The following SPAG17 variants were observed in gnomAD, a reference collection of about 807,000 sequenced individuals.
The protein encoded by SPAG17 is sperm-associated antigen 17.
Under a neutral mutation model 273.6 loss-of-function variants are expected in SPAG17, and 169 were observed. The observed-to-expected ratio is 0.62, with a 90% CI of 0.55 to 0.70. The LOEUF (loss-of-function observed/expected upper bound fraction) is 0.70, where lower values mean the gene tolerates loss of function less well. SPAG17 is among the 30% of genes least tolerant of loss of function. The pLI is 0.00. For synonymous variants in SPAG17, 825 were observed against 873.2 expected (o/e 0.94, Z 0.97); for missense variants, 2,557 against 2,627.8 (o/e 0.97, Z 0.59).
At chr1:118,131,239 T>A (rs79738873) in intron 3 of SPAG17, among the ~76,000 whole-genome samples, 1 of 152,326 alleles carries the variant, frequency 6.6e-6, no homozygotes, top group African/African-American at 2.4e-5. Context: ...TTTCTATCAC[T>A]CCATTTCAGC....
chr1:118,131,105 G>T (rs538660783), intron 3 of SPAG17, among the ~76,000 whole-genome samples: 1 of 152,328 alleles, frequency 6.6e-6, no homozygotes, highest in Admixed American at 6.5e-5. Context: ...TTAGGATATA[G>T]ATTCCTTAGG....
chr1:118,055,642 ATAT>A (rs1557964716), intron 19 of SPAG17, 88 bp downstream of exon 19: 17 of 1,115,062 alleles, frequency 1.5e-5, no homozygotes, highest in Non-Finnish European at 1.8e-5. Flanking sequence ...ATTCTTTTTA[ATAT>A]TGAAAATATT....
At chr1:117,966,198 C>G (rs868830494) in intron 47 of SPAG17, 3 of 155,284 alleles carry the variant, frequency 1.9e-5, no homozygotes, top group Middle Eastern at 3.1e-3. Flanking sequence ...TTCTTGATAT[C>G]TATCTAATAT....
chr1:118,161,694 CCTGG>C (rs1659928198), intron 1 of SPAG17, among the ~76,000 whole-genome samples: 2 of 152,184 alleles, frequency 1.3e-5, no homozygotes, highest in African/African-American at 4.8e-5. Context: ...CCCGCCCCCA[CCTGG>C]CTAATTTTTT....
intron 32 of SPAG17, among the ~76,000 whole-genome samples, chr1:118,002,724 C>T (rs1391439931): frequency 6.6e-6 from 1 of 152,052 alleles, no homozygotes; most frequent in Non-Finnish European, 1.5e-5. Context: ...TGTGTCTTTG[C>T]ACATGAGATG....
chr1:118,030,576 T>A (rs1648333495), intron 25 of SPAG17, among the ~76,000 whole-genome samples: 1 of 152,138 alleles, frequency 6.6e-6, no homozygotes, highest in African/African-American at 2.4e-5. Context: ...TTTGTCCTAA[T>A]GCTCTCCTGC....
intron 13 of SPAG17, among the ~76,000 whole-genome samples, chr1:118,082,272 G>T (rs1654640776): frequency 6.6e-6 from 1 of 152,186 alleles, no homozygotes; most frequent in South Asian, 2.1e-4. Context: ...CCTGGGATTT[G>T]AAAGAATCAA....
chr1:118,019,880 G>C (rs897547792), intron 28 of SPAG17, among the ~76,000 whole-genome samples: 2 of 152,040 alleles, frequency 1.3e-5, no homozygotes, highest in Non-Finnish European at 1.5e-5. Context: ...TCAAGAATGA[G>C]GACAACATAA....
chr1:118,041,776 A>T (rs1649783348), intron 21 of SPAG17, 27 bp downstream of exon 21: 1 of 1,594,924 alleles, frequency 6.3e-7, no homozygotes, highest in Non-Finnish European at 8.5e-7. Context: ...GCCCAAAGAG[A>T]CTAAGTTTTA....
At chr1:117,983,467 T>G (rs2101602650) in intron 42 of SPAG17, among the ~76,000 whole-genome samples, 1 of 152,308 alleles carries the variant, frequency 6.6e-6, no homozygotes, top group Non-Finnish European at 1.5e-5. Flanking sequence ...GCTGAATGTC[T>G]CCATTGTAAA....
chr1:118,067,402 A>C (rs142140770), intron 17 of SPAG17, among the ~76,000 whole-genome samples: 1 of 152,288 alleles, frequency 6.6e-6, no homozygotes, highest in South Asian at 2.1e-4. Context: ...TAGGGCCGTC[A>C]AGATAAGATT....
intron 48 of SPAG17, chr1:117,955,483 T>A: frequency 1.2e-6 from 1 of 840,286 alleles, no homozygotes; most frequent in Non-Finnish European, 1.8e-6. Context: ...TATATCAAAG[T>A]TTTGATGGAA....
chr1:118,010,054 A>G (rs1659312864), intron 30 of SPAG17, among the ~76,000 whole-genome samples: 1 of 152,106 alleles, frequency 6.6e-6, no homozygotes, highest in African/African-American at 2.4e-5. Flanking sequence ...ATGCAAGTAG[A>G]GAGTAGAATG....
chr1:117,990,832 A>T, intron 38 of SPAG17, 29 bp downstream of exon 38: 1 of 1,460,696 alleles, frequency 6.8e-7, no homozygotes, highest in Non-Finnish European at 9.5e-7. Context: ...TTGTAAATAT[A>T]CTGCAGAAGA....
chr1:118,032,459 T>C (rs1440246166), intron 24 of SPAG17, among the ~76,000 whole-genome samples: 1 of 152,114 alleles, frequency 6.6e-6, no homozygotes, highest in Non-Finnish European at 1.5e-5. Context: ...TAAAGCATCC[T>C]GTGTGTCATG....
chr1:118,178,897 GA>G (rs1489402053), intron 1 of SPAG17, among the ~76,000 whole-genome samples: 1 of 151,882 alleles, frequency 6.6e-6, no homozygotes, highest in Non-Finnish European at 1.5e-5. Context: ...TTTTATCAAA[GA>G]AATGAAAGAT....
intron 23 of SPAG17, 40 bp from the exon 24 acceptor site, chr1:118,036,923 T>C: frequency 3.6e-6 from 5 of 1,377,542 alleles, no homozygotes; most frequent in Non-Finnish European, 5.0e-6. Context: ...TTCATTTAAT[T>C]CAAAATAAAT....
At chr1:117,986,869 T>C (rs1241659899) in intron 40 of SPAG17, among the ~76,000 whole-genome samples, 1 of 152,140 alleles carries the variant, frequency 6.6e-6, no homozygotes, top group Non-Finnish European at 1.5e-5. Flanking sequence ...AAGCAGGACA[T>C]AAAACCTAGA....
chr1:117,969,919 T>C (rs1571095407), intron 46 of SPAG17, 137 bp downstream of exon 46: 2 of 736,358 alleles, frequency 2.7e-6, no homozygotes, highest in South Asian at 1.8e-5. Flanking sequence ...CTTTTGCTTA[T>C]GATATTAAAA....
Sources: gnomAD v4.1 joint callset for allele counts (sites outside exome capture counted in the v4.1 genomes callset) on GRCh38, gnomAD v4.1.1 for gene constraint, MANE v1.5 for transcripts, NCBI Gene and HGNC (gene_info 2026-07-23, HGNC 2026-07-21) for gene names.